Variants in XIRP2 observed in about 807,000 individuals in gnomAD.
XIRP2 encodes the protein xin actin binding repeat containing 2.
Under a neutral mutation model 277.0 loss-of-function variants are expected in XIRP2, and 236 were observed. That is an observed-to-expected ratio of 0.85 (90% CI 0.77 to 0.95). The LOEUF (loss-of-function observed/expected upper bound fraction) is 0.95, where lower values mean the gene tolerates loss of function less well. XIRP2 is among the 40% of genes least tolerant of loss of function. XIRP2 has a pLI of 0.00. For synonymous variants in XIRP2, 1,490 were observed against 1,416.5 expected (o/e 1.05, Z -1.17); for missense variants, 4,640 against 4,157.5 (o/e 1.12, Z -3.19).
chr2:167,066,081 T>G (rs1377184871), intron 2 of XIRP2, among the ~76,000 whole-genome samples: 7 of 152,064 alleles, frequency 4.6e-5, no homozygotes, highest in African/African-American at 1.4e-4. Flanking sequence ...TGTGTGTGTG[T>G]AGAACTCTTA....
chr2:167,093,715 A>G, intron 2 of XIRP2, among the ~76,000 whole-genome samples: 1 of 152,138 alleles, frequency 6.6e-6, no homozygotes, highest in East Asian at 1.9e-4. Flanking sequence ...CCTGTCTAAC[A>G]TTGATGGGCA....
At chr2:167,028,750 A>G (rs1688244858) in intron 2 of XIRP2, among the ~76,000 whole-genome samples, 1 of 152,010 alleles carries the variant, frequency 6.6e-6, no homozygotes, top group African/African-American at 2.4e-5. Flanking sequence ...CAAGAATGAC[A>G]GAGATATTTG....
intron 2 of XIRP2, among the ~76,000 whole-genome samples, chr2:166,945,402 T>A (rs1194453477): frequency 6.6e-6 from 1 of 151,962 alleles, no homozygotes; most frequent in Non-Finnish European, 1.5e-5. Flanking sequence ...TGATTTAGGA[T>A]CTACAAGATT....
At chr2:167,015,648 T>C (rs1171576599) in intron 2 of XIRP2, among the ~76,000 whole-genome samples, 1 of 151,784 alleles carries the variant, frequency 6.6e-6, no homozygotes, top group Non-Finnish European at 1.5e-5. Context: ...CTAATAAGAT[T>C]GTGTTTCTTG....
chr2:167,044,565 C>T (rs61320109), intron 2 of XIRP2, among the ~76,000 whole-genome samples: 5,241 of 152,170 alleles, frequency 0.034, 311 homozygotes, highest in African/African-American at 0.12. Flanking sequence ...TGATAAACTT[C>T]AGTAAACTTT....
intron 2 of XIRP2, among the ~76,000 whole-genome samples, chr2:166,909,046 A>G (rs1684622175): frequency 6.6e-6 from 1 of 152,192 alleles, no homozygotes; most frequent in African/African-American, 2.4e-5. Flanking sequence ...GAAGTCAGGT[A>G]GCGTGATGCC....
chr2:167,188,863 C>T (rs1249493057), intron 3 of XIRP2, among the ~76,000 whole-genome samples: 1 of 152,154 alleles, frequency 6.6e-6, no homozygotes, highest in African/African-American at 2.4e-5. Context: ...TACAGCTTCC[C>T]TCAACCACCT....
intron 3 of XIRP2, among the ~76,000 whole-genome samples, chr2:167,161,369 G>A (rs7561801): frequency 0.099 from 15,070 of 152,152 alleles, 804 homozygotes; most frequent in South Asian, 0.16. Context: ...CAGAGGTTCC[G>A]CATGAGAGCA....
chr2:167,044,629 C>A (rs967608970), intron 2 of XIRP2, among the ~76,000 whole-genome samples: 2 of 152,004 alleles, frequency 1.3e-5, no homozygotes, highest in Non-Finnish European at 2.9e-5. Flanking sequence ...CACCACTAAT[C>A]TCCAAGCTGA....
At chr2:166,936,988 A>G (rs770705860) in intron 2 of XIRP2, among the ~76,000 whole-genome samples, 13 of 152,192 alleles carry the variant, frequency 8.5e-5, no homozygotes, top group Admixed American at 3.3e-4. Flanking sequence ...CATTAAATCT[A>G]TAAATTACCT....
intron 3 of XIRP2, among the ~76,000 whole-genome samples, chr2:167,178,831 C>T (rs7586178): frequency 0.099 from 14,996 of 151,992 alleles, 781 homozygotes; most frequent in South Asian, 0.15. Flanking sequence ...TTACTAAGGC[C>T]CATGGATGTT....
chr2:167,007,071 C>G (rs999631187), intron 2 of XIRP2, among the ~76,000 whole-genome samples: 37 of 151,582 alleles, frequency 2.4e-4, no homozygotes, highest in African/African-American at 8.5e-4. Context: ...CAAAGTACAT[C>G]TTATTTCTCT....
At chr2:167,027,352 C>T (rs1265351881) in intron 2 of XIRP2, among the ~76,000 whole-genome samples, 3 of 152,122 alleles carry the variant, frequency 2.0e-5, no homozygotes, top group Non-Finnish European at 4.4e-5. Flanking sequence ...CTTTCAGCTC[C>T]ATCATCTCCT....
chr2:167,063,035 C>T (rs1292636083), intron 2 of XIRP2, among the ~76,000 whole-genome samples: 2 of 151,858 alleles, frequency 1.3e-5, no homozygotes, highest in Non-Finnish European at 2.9e-5. Flanking sequence ...ACACTTCTAA[C>T]ATTGATTTGA....
chr2:167,194,324 AC>A (rs565260252), intron 3 of XIRP2, among the ~76,000 whole-genome samples: 87 of 151,960 alleles, frequency 5.7e-4, no homozygotes, highest in African/African-American at 2.0e-3. Context: ...CAGGTTATCC[AC>A]CTGCCTCAGC....
chr2:167,038,472 C>A (rs945248081), intron 2 of XIRP2, among the ~76,000 whole-genome samples: 1 of 150,520 alleles, frequency 6.6e-6, no homozygotes, highest in Admixed American at 6.6e-5. Flanking sequence ...AGTATGGAAT[C>A]AAACATTATC....
chr2:167,073,417 G>A (rs1017464134), intron 2 of XIRP2, among the ~76,000 whole-genome samples: 4 of 151,778 alleles, frequency 2.6e-5, no homozygotes, highest in East Asian at 1.9e-4. Context: ...ATATAGCATC[G>A]TTGTTTCTGT....
chr2:166,891,445 G>A (rs1684102138), intron 1 of XIRP2, among the ~76,000 whole-genome samples: 1 of 152,122 alleles, frequency 6.6e-6, no homozygotes, highest in Non-Finnish European at 1.5e-5. Context: ...GATAAACCTA[G>A]CATAGCTGGA....
intron 2 of XIRP2, among the ~76,000 whole-genome samples, chr2:167,029,710 G>T (rs2105501728): frequency 6.6e-6 from 1 of 152,220 alleles, no homozygotes; most frequent in South Asian, 2.1e-4. Flanking sequence ...TCAGGATGAT[G>T]CTGGCCTCAT....
Sources: allele counts gnomAD v4.1 joint callset (sites outside exome capture counted in the v4.1 genomes callset), GRCh38; gene constraint gnomAD v4.1.1; transcripts MANE v1.5; gene names NCBI Gene and HGNC (gene_info 2026-07-23, HGNC 2026-07-21).